Variants in MGST1 observed in about 807,000 individuals in gnomAD.
The protein encoded by MGST1 is glutathione S-transferase 12.
A neutral mutation model predicts 8.9 loss-of-function variants in MGST1; 5 were observed. That is an observed-to-expected ratio of 0.56 (90% CI 0.29 to 1.19). MGST1 has a LOEUF of 1.19. Among genes scored for constraint, MGST1 ranks in the 50% most tolerant of loss-of-function variants. MGST1 has a pLI of 0.08. For missense variants in MGST1, 182 were observed against 187.4 expected (o/e 0.97, Z 0.17); for synonymous variants, 54 against 67.8 (o/e 0.80, Z 1.00).
chr12:16,551,230 C>A, intron 4 of MGST1: 1 of 1,599,208 alleles, frequency 6.3e-7, no homozygotes, highest in Non-Finnish European at 8.6e-7. Context: ...GATCAGCGAA[C>A]CTGGGGTGCA....
chr12:16,501,098 G>GAAAAAAAA (rs71054822), intron 4 of MGST1, among the ~76,000 whole-genome samples: 17 of 83,784 alleles, frequency 2.0e-4, no homozygotes, highest in South Asian at 3.9e-4. Flanking sequence ...ACTCTGTCTC[G>GAAAAAAAA]AAAAAAAAAA....
chr12:16,358,630 C>T (rs1939837124), intron 3 of MGST1, among the ~76,000 whole-genome samples: 1 of 151,900 alleles, frequency 6.6e-6, no homozygotes, highest in Admixed American at 6.6e-5. Flanking sequence ...CCACGCCCAG[C>T]TAATTTTCTG....
chr12:16,468,835 A>C (rs1941272248), intron 4 of MGST1, among the ~76,000 whole-genome samples: 1 of 152,140 alleles, frequency 6.6e-6, no homozygotes, highest in Non-Finnish European at 1.5e-5. Flanking sequence ...CTAGCTAGGG[A>C]CTGCATTTCT....
In MGST1 at chr12:16,388,492, G is replaced by T. The variant is rs1285502637; in HGVS notation, n.778+4888G>T. ...TCACACTAGCTGGCAGGGGCCAGTT[G>T]TTACCAGTAGGATTTGATACTATTG... is the stretch of plus-strand genomic sequence containing the variant. On this transcript the variant is annotated intron_variant and non_coding_transcript_variant, in intron 1 of 1. Transcript: ENST00000359720. Among the ~76,000 whole-genome samples, 7 of 152,232 alleles carry T rather than the reference G, an allele frequency of 4.6e-5. No homozygotes were observed. The East Asian group carries it at 1.4e-3, about 30-fold the overall frequency.
intron 4 of MGST1, among the ~76,000 whole-genome samples, chr12:16,479,359 C>T (rs1470612325): frequency 1.3e-5 from 2 of 150,482 alleles, no homozygotes; most frequent in South Asian, 2.1e-4. Flanking sequence ...CTCAGCCTCC[C>T]GAGTAGCTGG....
At chr12:16,512,108 G>A (rs1176704097) in intron 4 of MGST1, among the ~76,000 whole-genome samples, 1 of 152,036 alleles carries the variant, frequency 6.6e-6, no homozygotes, top group African/African-American at 2.4e-5. Flanking sequence ...TCAGCATGCA[G>A]CTAAAATAAC....
chr12:16,473,288 T>G (rs1214184213), intron 4 of MGST1, among the ~76,000 whole-genome samples: 1 of 152,192 alleles, frequency 6.6e-6, no homozygotes, highest in Non-Finnish European at 1.5e-5. Context: ...TGGCCTGAGA[T>G]GCTGTTAAAC....
chr12:16,402,609 T>C (rs1463098776), intron 1 of MGST1, among the ~76,000 whole-genome samples: 1 of 152,192 alleles, frequency 6.6e-6, no homozygotes, highest in Non-Finnish European at 1.5e-5. Flanking sequence ...TTGTGTTATA[T>C]AAGTGCAGTT....
chr12:16,400,953 TC>T lies in MGST1; in HGVS notation n.778+17350del, dbSNP rs202193830. 3.4e-3 allele frequency: 4,562 copies of T among 1,357,346 alleles called. 132 individuals carry two copies. In the African/African-American group the frequency reaches 0.057, roughly 17 times the overall value. The allele number at this position is 1,357,346 out of a possible 1,614,324, so 84.1% of individuals were successfully genotyped here. On this transcript the variant is annotated intron_variant and non_coding_transcript_variant, in intron 1 of 1. Coordinates refer to the MGST1 transcript ENST00000359720. ...TCTCCCTTTTGTTCAGTCAGTCACCTCTTTGCTTCTTCATTGAGTTGAGCCA... is the reference window on the plus strand; with the variant it reads ...TCTCCCTTTTGTTCAGTCAGTCACCTTTTGCTTCTTCATTGAGTTGAGCCA...
chr12:16,399,133 C>T (rs973283498), intron 1 of MGST1: 13 of 796,718 alleles, frequency 1.6e-5, no homozygotes, highest in Admixed American at 1.2e-4. Context: ...TAGATTGGTC[C>T]ACATAAATGG....
downstream of MGST1, among the ~76,000 whole-genome samples, chr12:16,378,844 C>G (rs948485365): frequency 6.6e-6 from 1 of 151,902 alleles, no homozygotes; most frequent in Non-Finnish European, 1.5e-5. Flanking sequence ...TTGTAGTTCT[C>G]CTTGAAGAGG....
At chr12:16,352,185 T>C (rs1335371873) in intron 1 of MGST1, among the ~76,000 whole-genome samples, 1 of 152,196 alleles carries the variant, frequency 6.6e-6, no homozygotes, top group Non-Finnish European at 1.5e-5. Context: ...ATGAAAGTAG[T>C]GTACATAATG....
At chr12:16,392,238 T>C (rs1940559543) in intron 1 of MGST1, among the ~76,000 whole-genome samples, 1 of 152,194 alleles carries the variant, frequency 6.6e-6, no homozygotes, top group African/African-American at 2.4e-5. Flanking sequence ...GAATTCTTTT[T>C]TGCGTATTTG....
chr12:16,359,703 C>T (rs1939899612), intron 3 of MGST1, among the ~76,000 whole-genome samples: 1 of 152,182 alleles, frequency 6.6e-6, no homozygotes, highest in African/African-American at 2.4e-5. Context: ...TGCACTTCCC[C>T]TTTTAGAGCA....
Position 16,549,682 on chromosome 12 carries a change from A to AAAAT in MGST1, n.483-39844_483-39841dup, listed in dbSNP as rs1430014093. ...CCATAGCACTAAGTTTGCTGTAGTG[A>AAAAT]AAATATGGTTAACGGTGCCGTGCAA... On this transcript the variant is annotated intron_variant and non_coding_transcript_variant, in intron 4 of 4. Transcript: ENST00000538857. 3.3e-5 allele frequency: 5 copies of AAAAT among 152,360 alleles called. No homozygotes were observed. In the East Asian group the frequency reaches 7.7e-4, roughly 24 times the overall value. The allele number at this position is 152,360 out of a possible 1,614,324, so 9.4% of individuals were successfully genotyped here. A position where few individuals can be genotyped will look rare whatever the true frequency, so the allele number is the denominator to read the frequency against.
chr12:16,519,713 C>T (rs1035650979), intron 4 of MGST1, among the ~76,000 whole-genome samples: 9 of 152,148 alleles, frequency 5.9e-5, no homozygotes, highest in Non-Finnish European at 1.3e-4. Context: ...TATGACCCAT[C>T]CTCTGCTTCA....
chr12:16,357,936 A>G (rs188737946), intron 3 of MGST1, among the ~76,000 whole-genome samples: 60 of 152,332 alleles, frequency 3.9e-4, no homozygotes, highest in South Asian at 2.5e-3. Flanking sequence ...ACGTTGCTGT[A>G]TATAGGGATG....
rs1231922375 is a variant in MGST1, at chr12:16,410,441, A to C, written n.778+26837A>C. Among the ~76,000 whole-genome samples, 1 of 151,964 alleles carries C rather than the reference A, an allele frequency of 6.6e-6. No individual in the cohort carries two copies. The highest frequency in any genetic ancestry group is 1.5e-5 in the Non-Finnish European group (1 of 67,986). On this transcript the variant is annotated intron_variant and non_coding_transcript_variant, in intron 1 of 1. Coordinates refer to the MGST1 transcript ENST00000359720. The surrounding 1 kb of genome is among the most constrained non-coding windows in gnomAD (Gnocchi z 4.4). ...CTGCAATAGCCCGTCTGTGTTTTCT[A>C]AATCTGCAAATATGATGCACTCAGT...
chr12:16,354,990 T>A (rs1939646163), intron 2 of MGST1, among the ~76,000 whole-genome samples: 1 of 151,968 alleles, frequency 6.6e-6, no homozygotes, highest in Admixed American at 6.6e-5. Context: ...GCACATATTA[T>A]GTATTCAAGC....
Sources: allele counts gnomAD v4.1 joint callset (sites outside exome capture counted in the v4.1 genomes callset), GRCh38; gene constraint gnomAD v4.1.1; non-coding constraint Gnocchi (gnomAD v3.1); transcripts MANE v1.5; gene names NCBI Gene and HGNC (gene_info 2026-07-23, HGNC 2026-07-21).